ACADVL: variants seen among roughly 807,000 people sequenced by gnomAD.
ACADVL encodes very long-chain acyl-CoA dehydrogenase, mitochondrial.
A neutral mutation model predicts 80.4 loss-of-function variants in ACADVL; 73 were observed. The ratio of observed to expected loss-of-function variants is 0.91; its 90% confidence interval spans 0.75 to 1.10. The LOEUF (loss-of-function observed/expected upper bound fraction) is 1.10. Among genes scored for constraint, ACADVL ranks in the 50% least tolerant of loss-of-function variants. The pLI, the probability that ACADVL is intolerant of heterozygous loss-of-function variation, is 0.00. For synonymous variants in ACADVL, 392 were observed against 326.5 expected, an observed-to-expected ratio of 1.20 and a Z score of -2.16; for missense variants, 878 against 858.9, an observed-to-expected ratio of 1.02 and a Z score of -0.28.
intron 1 of ACADVL, 33 bp downstream of exon 1, chr17:7,220,079 G>A: frequency 6.3e-7 from 1 of 1,597,440 alleles, no homozygotes; most frequent in East Asian, 2.2e-5. Context: ...GGTGGGCAGC[G>A]GCCCTGGGCA....
At chr17:7,221,831 C>G in intron 7 of ACADVL, 121 bp from the exon 8 acceptor site, 1 of 1,589,694 alleles carries the variant, frequency 6.3e-7, no homozygotes, top group South Asian at 1.1e-5. Flanking sequence ...TTGGGACATG[C>G]AAAAGAACTG....
At position 7,224,904 on chromosome 17, in the gene ACADVL, A is replaced by G; in HGVS notation, c.1827+20A>G. ...ATCGAGGTGAGACTCGGGGCTGCCA[A>G]GCTCAGGTGAGGGCTGGAGGTGCAG... On this transcript the variant is annotated intron_variant, in intron 19 of 19. Coordinates refer to ENST00000356839, the MANE Select transcript of ACADVL (RefSeq NM_000018.4). 6.2e-7 allele frequency: 1 copy of G among 1,614,028 alleles called. No individual in the cohort carries two copies. Among genetic ancestry groups the G allele is most frequent in the Non-Finnish European group, 8.5e-7 (1 of 1,180,028 alleles).
rs745355288 is a variant in ACADVL, at chr17:7,223,697, G to C, written c.1236G>C (p.Gln412His). ...ANMDQGATDF[Q>H]IEAAISKIFG... ...TGGACCAGGGAGCCACGGACTTCCAGATAGAGGCCGCCATCAGCAAAATCT... is the reference window on the plus strand; with the variant it reads ...TGGACCAGGGAGCCACGGACTTCCACATAGAGGCCGCCATCAGCAAAATCT... Residue 412 changes from glutamine to histidine, a missense_variant, in exon 12 of 20, where the codon CAG becomes CAC. Gln to His is a conservative substitution (Grantham distance 24, BLOSUM62 0). Transcript: ENST00000356839. 8 of 1,614,134 alleles carry C rather than the reference G, an allele frequency of 5.0e-6. No homozygotes were observed. The highest frequency in any genetic ancestry group is 1.6e-4 in the Middle Eastern group (1 of 6,062).
At chr17:7,219,929 C>G (rs765784191), upstream of ACADVL, 7 of 1,573,992 alleles carry the variant, frequency 4.4e-6, no homozygotes, top group African/African-American at 8.0e-5. Flanking sequence ...CGTGGGCGTG[C>G]AGGACGCCAG....
chr17:7,224,816 A>G lies in ACADVL; in HGVS notation c.1759A>G (p.Arg587Gly), dbSNP rs754547583. ...AMVVVLSRAS[R>G]SLSEGHPTAQ... is the part of the protein sequence containing the mutation. ...TCTCCTGCTTCCTGCCAGGGCCTCA[A>G]GATCCCTGAGTGAGGGCCACCCCAC... Residue 587 changes from arginine (R) to glycine (G), a missense_variant, in exon 19 of 20, where the codon AGA becomes GGA. Transcript: ENST00000356839. 3.1e-6 allele frequency: 5 copies of G among 1,613,968 alleles called. No individual in the cohort carries two copies. The highest frequency in any genetic ancestry group is 3.4e-6 in the Non-Finnish European group (4 of 1,179,998).
At chr17:7,221,365 G>A in intron 6 of ACADVL, 173 bp from the exon 7 acceptor site, 2 of 1,184,148 alleles carry the variant, frequency 1.7e-6, no homozygotes, top group East Asian at 2.4e-5. Flanking sequence ...ATTCTCTGCT[G>A]TGCCCTTTGC....
rs149116708 is a variant in ACADVL, at chr17:7,223,659, G to T, written c.1198G>T (p.Val400Leu). 1 of 1,614,084 alleles carries T rather than the reference G, an allele frequency of 6.2e-7. No homozygotes were observed. Among genetic ancestry groups the T allele is most frequent in the South Asian group, 1.1e-5 (1 of 91,070 alleles). ...QYVTESMAYMVSANMDQGATD... is the reference protein window; with the variant it reads ...QYVTESMAYMLSANMDQGATD... ...GCAACCTCAGTCCATGGCTTACATG[G>T]TGAGTGCTAACATGGACCAGGGAGC... is the stretch of plus-strand genomic sequence containing the variant. The change falls in exon 12 of 20, where the codon GTG (valine) becomes TTG (leucine). Residue 400 changes from valine (V) to leucine (L), a missense_variant. Physicochemically the swap from Val to Leu is conservative, Grantham distance 32. Transcript: ENST00000356839.
rs777955007 is a variant in ACADVL at position 7,222,015 on chromosome 17, G to A, written c.686G>A (p.Arg229Gln). ...AGCGGGTCAGATGCAGCCTCCATCC[G>A]AACCTCTGCTGTGCCCAGCCCCTGT... ...PSSGSDAASI[R>Q]TSAVPSPCGK... is the part of the protein sequence containing the mutation. Residue 229 changes from arginine to glutamine, a missense_variant, in exon 8 of 20, where the codon CGA becomes CAA. Arg to Gln is a conservative substitution (Grantham distance 43). Coordinates refer to ENST00000356839, the MANE Select transcript of ACADVL (RefSeq NM_000018.4). 1.4e-5 allele frequency: 23 copies of A among 1,614,022 alleles called. 1 individual carries two copies. The Admixed American group carries it at 2.0e-4, about 14-fold the overall frequency.
In ACADVL at chr17:7,221,966, G is replaced by T; in HGVS notation, c.637G>T (p.Ala213Ser). ...PKLASGETVA[A>S]FCLTEPSSGS... ...CTCCCCAACAGGGGAGACTGTGGCC[G>T]CTTTCTGTCTAACCGAGCCCTCAAG... Residue 213 changes from alanine (A) to serine (S), a missense_variant, in exon 8 of 20, where the codon GCT becomes TCT. By Grantham distance (99) the Ala-to-Ser change is moderately conservative (BLOSUM62 1). Transcript: ENST00000356839. The T allele has an allele frequency of 6.2e-7, 1 of 1,614,092 alleles. No homozygotes were observed. Among genetic ancestry groups the T allele is most frequent in the East Asian group, 2.2e-5 (1 of 44,868 alleles).
upstream of ACADVL, chr17:7,219,893 A>T: frequency 7.0e-7 from 1 of 1,430,908 alleles, no homozygotes; most frequent in Non-Finnish European, 9.4e-7. Flanking sequence ...ACTGTGGACG[A>T]TGAGTCAGGG....
chr17:7,220,298 C>G (rs2071132252), intron 2 of ACADVL, 101 bp downstream of exon 2: 19 of 1,502,882 alleles, frequency 1.3e-5, no homozygotes, highest in Non-Finnish European at 1.7e-5. Context: ...TACCTGCCTA[C>G]TGCTCAGTCG....
chr17:7,217,437 C>G (rs2070975265), upstream of ACADVL: 1 of 245,888 alleles, frequency 4.1e-6, no homozygotes, highest in African/African-American at 4.1e-5. Flanking sequence ...GCTGGCAGCC[C>G]CGGAGTTCGG....
upstream of ACADVL, chr17:7,218,309 T>C (rs1163644594): frequency 1.2e-6 from 2 of 1,600,200 alleles, no homozygotes; most frequent in Non-Finnish European, 1.7e-6. Context: ...CTGAGTTACC[T>C]CCCCACCCCA....
At position 7,222,244 on chromosome 17, in the gene ACADVL, G is replaced by A. The variant is rs771624063; in HGVS notation, c.820G>A (p.Ala274Thr). ...KTPVTDPATG[A>T]VKEKITAFVV... ...ACCAGTTACAGATCCAGCCACAGGA[G>A]CCGTGAAGGAGAAGATCACAGCTTT... is the stretch of plus-strand genomic sequence containing the variant. The change falls in exon 9 of 20, where the codon GCC becomes ACC. Residue 274 changes from alanine (A) to threonine (T), a missense_variant. Coordinates refer to ENST00000356839, the MANE Select transcript of ACADVL (RefSeq NM_000018.4). 4.3e-6 allele frequency: 7 copies of A among 1,614,092 alleles called. No individual in the cohort carries two copies. In the South Asian group the frequency reaches 4.4e-5, roughly 10 times the overall value.
At chr17:7,219,444 C>CTACA, upstream of ACADVL, 1 of 1,023,992 alleles carries the variant, frequency 9.8e-7, no homozygotes, top group Non-Finnish European at 1.2e-6. Context: ...AGTGAATGGC[C>CTACA]TACATCTCAG....
chr17:7,219,912 G>A (rs895489463), upstream of ACADVL: 9 of 692,504 alleles, frequency 1.3e-5, no homozygotes, highest in African/African-American at 4.1e-5. Context: ...GGTTAGGGGC[G>A]CCAGGACGTG....
chr17:7,217,260 G>T, upstream of ACADVL: 1 of 1,254,000 alleles, frequency 8.0e-7, no homozygotes, highest in Non-Finnish European at 1.0e-6. Context: ...TTTTGCAGGG[G>T]GGGCCAGGAT....
chr17:7,223,937 C>T (rs111605561), intron 13 of ACADVL, 31 bp from the exon 14 acceptor site: 24 of 1,613,410 alleles, frequency 1.5e-5, no homozygotes, highest in Middle Eastern at 1.6e-4. Context: ...CATCTCAGCA[C>T]GGGCATATAA....
chr17:7,222,880 C>A lies in ACADVL; in HGVS notation c.1077+15C>A. The A allele has an allele frequency of 6.2e-7, 1 of 1,609,276 alleles. No homozygotes were observed. The highest frequency in any genetic ancestry group is 1.1e-5 in the South Asian group (1 of 90,946). The stretch of plus-strand genomic sequence containing the variant: ...TTGCTAAGGCGGTGAGTACCCTGCC[C>A]GAGTCCCTAGGTAACCCAAACAGAA... On this transcript the variant is annotated intron_variant, in intron 10 of 19. Transcript: ENST00000356839.
Sources: allele counts gnomAD v4.1 joint callset, GRCh38; gene constraint gnomAD v4.1.1; transcripts MANE v1.5; gene names NCBI Gene and HGNC (gene_info 2026-07-23, HGNC 2026-07-21).